Variants in CCDC170 observed in about 807,000 individuals in gnomAD.
The protein encoded by CCDC170 is coiled-coil domain-containing protein 170.
CCDC170 carries 69 observed loss-of-function variants against 72.6 expected under a neutral mutation model. The ratio of observed to expected loss-of-function variants is 0.95; its 90% CI spans 0.78 to 1.16. The LOEUF is 1.16. Ranked by LOEUF, CCDC170 falls within the 50% of genes most tolerant of loss-of-function variation. CCDC170 has a pLI of 0.00. For synonymous variants in CCDC170, 300 were observed against 303.9 expected (o/e 0.99, Z 0.13); for missense variants, 852 against 832.5 (o/e 1.02, Z -0.29).
intron 5 of CCDC170, among the ~76,000 whole-genome samples, chr6:151,569,392 A>C (rs1016354214): frequency 6.6e-6 from 1 of 152,258 alleles, no homozygotes; most frequent in African/African-American, 2.4e-5. Context: ...TTTTTGTTAA[A>C]AGTAATTTTG....
intron 1 of CCDC170, among the ~76,000 whole-genome samples, chr6:151,505,013 A>C (rs1583000627): frequency 6.6e-6 from 1 of 152,236 alleles, no homozygotes; most frequent in East Asian, 1.9e-4. Flanking sequence ...ATTCCCCAGC[A>C]GTAAGTGATT....
In CCDC170 at chr6:151,620,365, T is replaced by G. The variant is rs1269503814; in HGVS notation, c.*2218T>G. 1 of 152,262 alleles carries G rather than the reference T, an allele frequency of 6.6e-6. No homozygotes were observed. The highest frequency in any genetic ancestry group is 6.5e-5 in the Admixed American group (1 of 15,294). The allele number at this position is 152,262 out of a possible 1,614,324, so 9.4% of individuals were successfully genotyped here. A position where few individuals can be genotyped will look rare whatever the true frequency, so the allele number is the denominator to read the frequency against. The stretch of plus-strand genomic sequence containing the variant: ...CTATCTCCTTCATGTGCAAGGACAG[T>G]ATAAGTAGTATTTTGCATGTGAGTA... On this transcript the variant is annotated 3_prime_UTR_variant, in exon 11 of 11. Coordinates refer to ENST00000239374, the MANE Select transcript of CCDC170 (RefSeq NM_025059.4).
intron 5 of CCDC170, among the ~76,000 whole-genome samples, chr6:151,557,696 G>A (rs76342475): frequency 2.6e-5 from 4 of 152,136 alleles, no homozygotes; most frequent in South Asian, 2.1e-4. Context: ...ATCCTTGCGA[G>A]CATCTGTTAT....
intron 1 of CCDC170, among the ~76,000 whole-genome samples, chr6:151,532,982 C>T (rs1317771593): frequency 1.3e-5 from 2 of 152,212 alleles, no homozygotes; most frequent in East Asian, 3.9e-4. Flanking sequence ...TGCCGCAGGG[C>T]CCTTGCATGG....
rs1360372291 is a variant in CCDC170, at chr6:151,538,104, T to C, written c.246T>C (p.Ala82=). 1.2e-6 allele frequency: 2 copies of C among 1,613,716 alleles called. No homozygotes were observed. The highest frequency in any genetic ancestry group is 1.3e-5 in the African/African-American group (1 of 74,886). ...SKEVSCQELK[A]EMESYKENNA... is the part of the protein sequence containing the mutation. Reference sequence around the variant, plus strand: ...AAGTCTCCTGTCAAGAACTGAAAGCTGAAATGGAGAGCTACAAGGAAAACA... The same window carrying C: ...AAGTCTCCTGTCAAGAACTGAAAGCCGAAATGGAGAGCTACAAGGAAAACA... The change falls in exon 3 of 11, where the codon GCT becomes GCC. Residue 82 remains alanine, a synonymous_variant. Coordinates refer to ENST00000239374, the MANE Select transcript of CCDC170 (RefSeq NM_025059.4).
intron 1 of CCDC170, among the ~76,000 whole-genome samples, chr6:151,525,077 T>C (rs566385083): frequency 5.3e-4 from 81 of 152,038 alleles, no homozygotes; most frequent in Non-Finnish European, 8.5e-4. Flanking sequence ...GGACTATAGG[T>C]GCCCGCCACT....
intron 5 of CCDC170, among the ~76,000 whole-genome samples, chr6:151,563,379 G>T (rs1474757486): frequency 6.6e-6 from 1 of 152,132 alleles, no homozygotes; most frequent in African/African-American, 2.4e-5. Context: ...CACCTTATCT[G>T]TGTTTCCTTT....
intron 9 of CCDC170, among the ~76,000 whole-genome samples, chr6:151,602,389 T>C (rs1171379126): frequency 1.3e-5 from 2 of 152,162 alleles, no homozygotes; most frequent in African/African-American, 4.8e-5. Context: ...TCCATATCAG[T>C]TCAAAAATCA....
At chr6:151,495,508 T>C (rs1189853541) in intron 1 of CCDC170, among the ~76,000 whole-genome samples, 1 of 151,866 alleles carries the variant, frequency 6.6e-6, no homozygotes, top group Non-Finnish European at 1.5e-5. Flanking sequence ...TTCTTTCTTC[T>C]TTTTTTCAGA....
intron 1 of CCDC170, among the ~76,000 whole-genome samples, chr6:151,496,876 G>A (rs1309823542): frequency 1.3e-5 from 2 of 152,278 alleles, no homozygotes; most frequent in South Asian, 2.1e-4. Context: ...AGGATTTCAC[G>A]GTTAATAAAT....
chr6:151,541,508 C>T (rs1169090151), intron 3 of CCDC170, among the ~76,000 whole-genome samples: 8 of 151,936 alleles, frequency 5.3e-5, no homozygotes, highest in Non-Finnish European at 8.8e-5. Context: ...CACACCACTG[C>T]GCCTGGCTGG....
At chr6:151,500,344 C>T (rs185422757) in intron 1 of CCDC170, among the ~76,000 whole-genome samples, 303 of 150,808 alleles carry the variant, frequency 2.0e-3, no homozygotes, top group Non-Finnish European at 3.6e-3. Context: ...CCAATCTCCA[C>T]CCCACCACCC....
chr6:151,560,976 G>C (rs1470027622), intron 5 of CCDC170, among the ~76,000 whole-genome samples: 1 of 151,976 alleles, frequency 6.6e-6, no homozygotes, highest in African/African-American at 2.4e-5. Context: ...CTGTTGATGT[G>C]TGAGGTTTTG....
In CCDC170 at chr6:151,536,456, T is replaced by C; in HGVS notation, c.186+10T>C. ...ATGTGCTCAGTCTGAGGTAAGATAATGCATTTCCAGCACTCAGAAATGGGC... is the reference window on the plus strand; with the variant it reads ...ATGTGCTCAGTCTGAGGTAAGATAACGCATTTCCAGCACTCAGAAATGGGC... On this transcript the variant is annotated intron_variant, in intron 2 of 10. Transcript: ENST00000239374. The C allele has an allele frequency of 1.9e-6, 3 of 1,613,766 alleles. No individual in the cohort carries two copies. The highest frequency in any genetic ancestry group is 2.5e-6 in the Non-Finnish European group (3 of 1,179,804).
chr6:151,507,595 T>A (rs976225095), intron 1 of CCDC170, among the ~76,000 whole-genome samples: 3 of 152,206 alleles, frequency 2.0e-5, no homozygotes, highest in East Asian at 1.9e-4. Context: ...TGTAGGGAGA[T>A]GAAACTGTGT....
intron 1 of CCDC170, among the ~76,000 whole-genome samples, chr6:151,507,386 T>G (rs1334340982): frequency 6.6e-6 from 1 of 152,216 alleles, no homozygotes; most frequent in East Asian, 1.9e-4. Context: ...CAACTTAGAA[T>G]TTTTCAAATT....
chr6:151,544,828 C>T (rs1583019254), intron 4 of CCDC170, 112 bp downstream of exon 4: 1 of 975,432 alleles, frequency 1.0e-6, no homozygotes, highest in Non-Finnish European at 1.5e-6. Flanking sequence ...GCACAGTAGA[C>T]CAAGTGTAGT....
At chr6:151,541,627 A>G (rs1489430096) in intron 3 of CCDC170, among the ~76,000 whole-genome samples, 2 of 152,016 alleles carry the variant, frequency 1.3e-5, no homozygotes, top group Non-Finnish European at 2.9e-5. Context: ...TAAAAACACT[A>G]TATGCATATT....
At chr6:151,555,772 G>T (rs1199657873) in intron 5 of CCDC170, among the ~76,000 whole-genome samples, 1 of 152,164 alleles carries the variant, frequency 6.6e-6, no homozygotes, top group East Asian at 1.9e-4. Flanking sequence ...CCTTCAAATG[G>T]TTAAGGACAT....
Sources: allele counts gnomAD v4.1 joint callset (sites outside exome capture counted in the v4.1 genomes callset), GRCh38; gene constraint gnomAD v4.1.1; transcripts MANE v1.5; gene names NCBI Gene and HGNC (gene_info 2026-07-23, HGNC 2026-07-21).